The following FRMD4B variants were observed in gnomAD, a reference collection of about 807,000 sequenced individuals.
FRMD4B encodes the protein FERM domain containing 4B, also known as FERM domain-containing protein 4B.
In FRMD4B, 74 loss-of-function variants were observed where a neutral mutation model predicts 141.5. The observed-to-expected ratio is 0.52, with a 90% CI of 0.43 to 0.63. The LOEUF (loss-of-function observed/expected upper bound fraction) is 0.63. Among genes scored for constraint, FRMD4B ranks in the 30% least tolerant of loss-of-function variants. FRMD4B has a pLI of 0.00. For synonymous variants in FRMD4B, 506 were observed against 467.9 expected, an observed-to-expected ratio of 1.08 and a Z score of -1.05; for missense variants, 1,366 against 1,253.4, an observed-to-expected ratio of 1.09 and a Z score of -1.36.
intron 7 of FRMD4B, among the ~76,000 whole-genome samples, chr3:69,230,268 G>A (rs542965813): frequency 5.8e-4 from 88 of 152,090 alleles, no homozygotes; most frequent in African/African-American, 2.0e-3. Flanking sequence ...GAGCCACCTC[G>A]TCCGGCGACT....
At chr3:69,205,155 G>A (rs1245406930) in intron 11 of FRMD4B, among the ~76,000 whole-genome samples, 1 of 150,492 alleles carries the variant, frequency 6.6e-6, no homozygotes, top group Non-Finnish European at 1.5e-5. Context: ...TGCGGGATAG[G>A]ACTGAGTCCC....
chr3:69,507,461 G>A (rs1297575476), intron 1 of FRMD4B, among the ~76,000 whole-genome samples: 2 of 152,058 alleles, frequency 1.3e-5, no homozygotes, highest in Non-Finnish European at 2.9e-5. Flanking sequence ...TTACTTAATA[G>A]ATGTTAGAAA....
chr3:69,182,335 C>G (rs1293149120), intron 20 of FRMD4B, among the ~76,000 whole-genome samples: 4 of 152,178 alleles, frequency 2.6e-5, no homozygotes, highest in Non-Finnish European at 5.9e-5. Context: ...TTGTTACTAA[C>G]TTCATCCTCA....
chr3:69,520,639 G>T (rs1037864365), intron 1 of FRMD4B, among the ~76,000 whole-genome samples: 1 of 151,876 alleles, frequency 6.6e-6, no homozygotes, highest in Non-Finnish European at 1.5e-5. Context: ...GGGGACAAGA[G>T]CCCATGGAAA....
At chr3:69,529,604 C>T (rs1700984238) in intron 1 of FRMD4B, among the ~76,000 whole-genome samples, 2 of 152,176 alleles carry the variant, frequency 1.3e-5, no homozygotes, top group African/African-American at 4.8e-5. Flanking sequence ...CCCTGCCCTC[C>T]ACTGCACTCA....
chr3:69,421,927 C>G, intron 2 of FRMD4B, among the ~76,000 whole-genome samples: 1 of 152,202 alleles, frequency 6.6e-6, no homozygotes, highest in Non-Finnish European at 1.5e-5. Context: ...CGTGGCATAA[C>G]CATAACACAA....
At chr3:69,495,944 G>A (rs1706378283) in intron 1 of FRMD4B, among the ~76,000 whole-genome samples, 1 of 152,144 alleles carries the variant, frequency 6.6e-6, no homozygotes, top group South Asian at 2.1e-4. Context: ...GTGATTTTAT[G>A]GCACAAGAAT....
chr3:69,219,301 G>T (rs141820264), intron 9 of FRMD4B, among the ~76,000 whole-genome samples: 1 of 152,064 alleles, frequency 6.6e-6, no homozygotes, highest in Non-Finnish European at 1.5e-5. Flanking sequence ...CTCTCTGCCC[G>T]CAAGGAACTG....
chr3:69,215,373 A>G (rs547063094), intron 11 of FRMD4B, among the ~76,000 whole-genome samples: 22 of 134,370 alleles, frequency 1.6e-4, no homozygotes, highest in African/African-American at 5.4e-4. Flanking sequence ...TCTCACTGCA[A>G]CCTCTGCCTC....
intron 1 of FRMD4B, among the ~76,000 whole-genome samples, chr3:69,498,727 G>C (rs1299867750): frequency 6.6e-6 from 1 of 152,128 alleles, no homozygotes; most frequent in African/African-American, 2.4e-5. Flanking sequence ...ATCTCTTATA[G>C]AGGAGAAAAC....
chr3:69,249,180 C>A (rs774432262), intron 7 of FRMD4B, 46 bp downstream of exon 7: 1 of 1,222,400 alleles, frequency 8.2e-7, no homozygotes, highest in Non-Finnish European at 1.2e-6. Context: ...TAAAATGATT[C>A]TTTAGGGTTA....
intron 1 of FRMD4B, among the ~76,000 whole-genome samples, chr3:69,323,743 G>A (rs1338339288): frequency 6.6e-6 from 1 of 150,378 alleles, no homozygotes; most frequent in Non-Finnish European, 1.5e-5. Flanking sequence ...GCTCAGAAAA[G>A]GTACATGGCT....
intron 1 of FRMD4B, among the ~76,000 whole-genome samples, chr3:69,517,686 A>C (rs1420684657): frequency 6.6e-6 from 1 of 152,128 alleles, no homozygotes; most frequent in East Asian, 1.9e-4. Context: ...TCTGCTTTCA[A>C]ATCCACCCTG....
rs145039542 is a variant in FRMD4B at position 69,423,903 on chromosome 3, C to G, written c.-1+8731G>C. Among the ~76,000 whole-genome samples the G allele has an allele frequency of 1.6e-3, 242 of 152,252 alleles. 8 individuals carry two copies. In the East Asian group the frequency reaches 0.044, roughly 28 times the overall value. On this transcript the variant is annotated intron_variant, in intron 2 of 5. Coordinates refer to the FRMD4B transcript ENST00000459638. ...ATGGTGAATTTCCCAGGCTCCAGAA[C>G]TGTGAGAAATACATTTCTGTTGTTT...
At chr3:69,463,239 C>T (rs1705732064) in intron 1 of FRMD4B, among the ~76,000 whole-genome samples, 1 of 152,220 alleles carries the variant, frequency 6.6e-6, no homozygotes, top group Admixed American at 6.5e-5. Context: ...ATTTCAGTAT[C>T]AAGCTTTACC....
intron 1 of FRMD4B, among the ~76,000 whole-genome samples, chr3:69,506,517 G>C (rs569098921): frequency 6.6e-6 from 1 of 151,748 alleles, no homozygotes; most frequent in South Asian, 2.1e-4. Flanking sequence ...GTAAATAAAG[G>C]TAACTCTACT....
chr3:69,426,925 C>T (rs1296253792), intron 2 of FRMD4B, among the ~76,000 whole-genome samples: 1 of 152,136 alleles, frequency 6.6e-6, no homozygotes, highest in African/African-American at 2.4e-5. Context: ...GGTAGATTTG[C>T]TATTTCTTTG....
chr3:69,496,621 GAGAGAGAGAGAGAGAA>G (rs1215270325), intron 1 of FRMD4B, among the ~76,000 whole-genome samples: 9 of 116,418 alleles, frequency 7.7e-5, no homozygotes, highest in Middle Eastern at 4.6e-3. Flanking sequence ...GTGAGAGAGA[GAGAGAGAGAGAGAGAA>G]AGAGAGAGAG....
intron 10 of FRMD4B, 31 bp from the exon 11 acceptor site, chr3:69,216,380 C>T: frequency 9.2e-7 from 1 of 1,089,592 alleles, no homozygotes; most frequent in Non-Finnish European, 1.4e-6. Context: ...AGAACCAAGA[C>T]CTAGCTGTTA....
Sources: allele counts gnomAD v4.1 joint callset (sites outside exome capture counted in the v4.1 genomes callset), GRCh38; gene constraint gnomAD v4.1.1; transcripts MANE v1.5; gene names NCBI Gene and HGNC (gene_info 2026-07-23, HGNC 2026-07-21).